The following ESRRG variants were observed in gnomAD, a reference collection of about 807,000 sequenced individuals.
The protein encoded by ESRRG is estrogen related receptor gamma.
Under a neutral mutation model 44.0 loss-of-function variants are expected in ESRRG, and 13 were observed. The observed-to-expected ratio is 0.30, with a 90% CI of 0.19 to 0.47. The LOEUF (loss-of-function observed/expected upper bound fraction) is 0.47. ESRRG is among the 20% of genes least tolerant of loss of function. ESRRG has a pLI of 1.00. For missense variants in ESRRG, 395 were observed against 580.6 expected, an observed-to-expected ratio of 0.68 and a Z score of 3.29; for synonymous variants, 215 against 214.6, an observed-to-expected ratio of 1.00 and a Z score of -0.02.
chr1:216,514,957 T>TTTACAC (rs1491406459), intron 6 of ESRRG, among the ~76,000 whole-genome samples: 2 of 83,640 alleles, frequency 2.4e-5, no homozygotes, highest in South Asian at 1.0e-3. Flanking sequence ...AGTTTTACTT[T>TTTACAC]ATACACACAC....
chr1:217,042,588 A>T (rs753375863), intron 1 of ESRRG, among the ~76,000 whole-genome samples: 24 of 151,632 alleles, frequency 1.6e-4, no homozygotes, highest in Middle Eastern at 3.4e-3. Flanking sequence ...CTAGCTCCCC[A>T]CACTCCCCCC....
chr1:216,998,861 C>T (rs926112868), intron 1 of ESRRG, among the ~76,000 whole-genome samples: 1 of 152,126 alleles, frequency 6.6e-6, no homozygotes, highest in African/African-American at 2.4e-5. Context: ...ATTGAGAGCA[C>T]CTAGGTGATG....
chr1:217,030,318 A>C (rs755496820), intron 1 of ESRRG, among the ~76,000 whole-genome samples: 16 of 152,148 alleles, frequency 1.1e-4, no homozygotes, highest in Non-Finnish European at 2.1e-4. Context: ...GTAGAACCAG[A>C]CACTGAGCCA....
At chr1:216,862,795 T>C (rs2096074745) in intron 2 of ESRRG, 1 of 152,140 alleles carries the variant, frequency 6.6e-6, no homozygotes, top group East Asian at 1.9e-4. Flanking sequence ...AAGAAAACTT[T>C]TGGGGTGAGA....
At chr1:216,779,306 A>ATTATATTTATAAATATAAATATATAT (rs1559604928) in intron 2 of ESRRG, among the ~76,000 whole-genome samples, 1,163 of 26,498 alleles carry the variant, frequency 0.044, 97 homozygotes, top group South Asian at 0.055. Flanking sequence ...ATTTATAAAC[A>ATTATATTTATAAATATAAATATATAT]TTATATTTAT....
chr1:216,775,885 C>A (rs1309570103), intron 2 of ESRRG, among the ~76,000 whole-genome samples: 1 of 151,530 alleles, frequency 6.6e-6, no homozygotes, highest in Non-Finnish European at 1.5e-5. Context: ...ACAATATCAC[C>A]CCCAATTTAT....
chr1:216,518,523 A>G (rs2045086908), intron 6 of ESRRG, among the ~76,000 whole-genome samples: 1 of 152,172 alleles, frequency 6.6e-6, no homozygotes, highest in African/African-American at 2.4e-5. Context: ...ACTTAAGACC[A>G]TAATAAAGCA....
intron 1 of ESRRG, among the ~76,000 whole-genome samples, chr1:217,052,786 G>T (rs1364188075): frequency 2.6e-5 from 4 of 152,138 alleles, no homozygotes. Context: ...CAACAGCAGG[G>T]CATTCCTTAA....
chr1:216,898,787 G>A (rs1246052426), intron 2 of ESRRG, among the ~76,000 whole-genome samples: 2 of 152,102 alleles, frequency 1.3e-5, no homozygotes, highest in African/African-American at 4.8e-5. Flanking sequence ...AGGTTTCTAG[G>A]TCACTGCACC....
intron 2 of ESRRG, among the ~76,000 whole-genome samples, chr1:216,827,754 G>T (rs1295606647): frequency 6.6e-6 from 1 of 152,176 alleles, no homozygotes; most frequent in Admixed American, 6.6e-5. Context: ...GCAAATAAAA[G>T]CTAGTCACTC....
chr1:216,862,189 A>G (rs1177895826), intron 2 of ESRRG: 3 of 151,926 alleles, frequency 2.0e-5, no homozygotes, highest in Non-Finnish European at 4.4e-5. Flanking sequence ...CCAAAGAGCA[A>G]TGAAAGTCTA....
intron 3 of ESRRG, among the ~76,000 whole-genome samples, chr1:216,639,700 A>T (rs2065999185): frequency 6.6e-6 from 1 of 152,212 alleles, no homozygotes; most frequent in African/African-American, 2.4e-5. Flanking sequence ...TATGTAGAAA[A>T]GATTTAATAG....
At chr1:216,556,405 T>G (rs186784758) in intron 5 of ESRRG, among the ~76,000 whole-genome samples, 33 of 152,312 alleles carry the variant, frequency 2.2e-4, no homozygotes, top group African/African-American at 7.7e-4. Context: ...TGAACTTGCC[T>G]TAAAATGATA....
intron 6 of ESRRG, among the ~76,000 whole-genome samples, chr1:216,516,748 G>A (rs2044456956): frequency 6.6e-6 from 1 of 151,626 alleles, no homozygotes; most frequent in Admixed American, 6.6e-5. Context: ...ATACTGATAT[G>A]TGTATGGGCA....
At chr1:217,107,175 C>T (rs78738888) in intron 1 of ESRRG, among the ~76,000 whole-genome samples, 3,030 of 152,222 alleles carry the variant, frequency 0.02, 106 homozygotes, top group African/African-American at 0.068. Context: ...GTGAAATTTG[C>T]CAATCTGATA....
chr1:216,672,193 C>T (rs2075326435), intron 2 of ESRRG, among the ~76,000 whole-genome samples: 1 of 152,184 alleles, frequency 6.6e-6, no homozygotes, highest in Admixed American at 6.5e-5. Flanking sequence ...ATCACTGCTG[C>T]CACTGTAACC....
intron 2 of ESRRG, among the ~76,000 whole-genome samples, chr1:216,735,987 A>AAAAAAAAAT (rs1453476198): frequency 0.011 from 1,481 of 137,008 alleles, 25 homozygotes; most frequent in Middle Eastern, 0.028. Context: ...CTCAAAAAAA[A>AAAAAAAAAT]ATATATATAT....
chr1:216,912,165 GAA>G lies in ESRRG; in HGVS notation c.-14+27415_-14+27416del, dbSNP rs1560081988. 8.3e-3 allele frequency among the ~76,000 whole-genome samples: 282 copies of G among 33,908 alleles called. 21 individuals carry two copies. Among genetic ancestry groups the G allele is most frequent in the Non-Finnish European group, 0.011 (219 of 20,492 alleles). 22.2% of individuals were successfully genotyped at this position (33,908 alleles called of 152,430 possible). ...GAAAAGAAAAGAAAAGAAAAGAAAA[GAA>G]AAGAAAAGAAAAGAAAAGGAGAGGA... On this transcript the variant is annotated intron_variant, in intron 2 of 7. Transcript: ENST00000359162.
intron 2 of ESRRG, among the ~76,000 whole-genome samples, chr1:216,928,593 C>T (rs2062896277): frequency 6.6e-6 from 1 of 152,130 alleles, no homozygotes; most frequent in Admixed American, 6.6e-5. Context: ...TCCTTTCCTT[C>T]CCTGATTAAA....
Sources: gnomAD v4.1 joint callset for allele counts (sites outside exome capture counted in the v4.1 genomes callset) on GRCh38, gnomAD v4.1.1 for gene constraint, MANE v1.5 for transcripts, NCBI Gene and HGNC (gene_info 2026-07-23, HGNC 2026-07-21) for gene names.